SPHKAP: variants seen among roughly 807,000 people sequenced by gnomAD.
The protein encoded by SPHKAP is SPHK1 interactor, AKAP domain containing.
Under a neutral mutation model 137.5 loss-of-function variants are expected in SPHKAP, and 67 were observed. The ratio of observed to expected loss-of-function variants is 0.49; its 90% CI spans 0.40 to 0.60. The LOEUF (loss-of-function observed/expected upper bound fraction) is 0.60. Among genes scored for constraint, SPHKAP ranks in the 20% least tolerant of loss-of-function variants. The pLI, the probability that SPHKAP is intolerant of heterozygous loss-of-function variation, is 0.00. For synonymous variants in SPHKAP, 813 were observed against 785.3 expected, an observed-to-expected ratio of 1.04 and a Z score of -0.59; for missense variants, 2,097 against 2,069.3, an observed-to-expected ratio of 1.01 and a Z score of -0.26.
intron 7 of SPHKAP, among the ~76,000 whole-genome samples, chr2:228,015,227 A>C (rs996432409): frequency 6.6e-6 from 1 of 151,936 alleles, no homozygotes; most frequent in Non-Finnish European, 1.5e-5. Flanking sequence ...AATTTCATCC[A>C]TGTCCCTACA....
At chr2:228,045,396 C>CATATAA (rs1696001639) in intron 3 of SPHKAP, among the ~76,000 whole-genome samples, 1 of 76,402 alleles carries the variant, frequency 1.3e-5, no homozygotes, top group Non-Finnish European at 2.6e-5. Flanking sequence ...GGCACATGTA[C>CATATAA]ACCATGGAAT....
intron 7 of SPHKAP, among the ~76,000 whole-genome samples, chr2:227,999,357 G>A (rs1264436331): frequency 6.6e-6 from 1 of 152,106 alleles, no homozygotes; most frequent in Non-Finnish European, 1.5e-5. Flanking sequence ...AGCCAAAGAG[G>A]CAGCATGGAC....
rs560458025 is a variant in SPHKAP, at chr2:227,998,335, T to C, written c.4449-2641A>G. ...ATTCAATCACCCTTTAATTCAGGTATGAGTGCCCTTTGCTCAGGAAACTCT... is the reference window on the plus strand; with the variant it reads ...ATTCAATCACCCTTTAATTCAGGTACGAGTGCCCTTTGCTCAGGAAACTCT... On this transcript the variant is annotated intron_variant, in intron 7 of 11. Transcript: ENST00000392056. Among the ~76,000 whole-genome samples the C allele has an allele frequency of 2.2e-4, 34 of 152,288 alleles. 1 individual carries two copies. The highest frequency in any genetic ancestry group is 4.4e-4 in the Non-Finnish European group (30 of 68,026).
chr2:228,009,937 G>A (rs1331361164), intron 7 of SPHKAP, among the ~76,000 whole-genome samples: 2 of 152,138 alleles, frequency 1.3e-5, no homozygotes, highest in African/African-American at 2.4e-5. Context: ...ATTCTCTAGC[G>A]TCATGGGGCT....
intron 3 of SPHKAP, among the ~76,000 whole-genome samples, chr2:228,065,531 A>G (rs775392310): frequency 6.6e-6 from 1 of 152,232 alleles, no homozygotes; most frequent in African/African-American, 2.4e-5. Flanking sequence ...TGGCTATAAA[A>G]GGGGGCACTG....
At chr2:228,029,895 A>T (rs1402305240) in intron 3 of SPHKAP, among the ~76,000 whole-genome samples, 1 of 152,170 alleles carries the variant, frequency 6.6e-6, no homozygotes, top group African/African-American at 2.4e-5. Flanking sequence ...TTTTATTATC[A>T]TGCATCACAG....
intron 1 of SPHKAP, among the ~76,000 whole-genome samples, chr2:228,145,070 A>G (rs1699735457): frequency 6.6e-6 from 1 of 152,150 alleles, no homozygotes; most frequent in African/African-American, 2.4e-5. Flanking sequence ...AGGTGGTGAA[A>G]CGAAATCAAA....
intron 2 of SPHKAP, among the ~76,000 whole-genome samples, chr2:228,125,971 T>C (rs548153011): frequency 6.6e-6 from 1 of 152,204 alleles, no homozygotes; most frequent in Non-Finnish European, 1.5e-5. Flanking sequence ...TCCCAGCTAC[T>C]TGGGAGGCTG....
At chr2:228,097,712 A>G (rs1035116501) in intron 3 of SPHKAP, among the ~76,000 whole-genome samples, 2 of 151,240 alleles carry the variant, frequency 1.3e-5, no homozygotes, top group African/African-American at 4.9e-5. Context: ...CTTTATGTCC[A>G]TGTGTACCCA....
At chr2:228,075,684 T>C (rs1394314301) in intron 3 of SPHKAP, among the ~76,000 whole-genome samples, 1 of 152,178 alleles carries the variant, frequency 6.6e-6, no homozygotes, top group African/African-American at 2.4e-5. Context: ...AAGCAATGTT[T>C]CTCTCTCATT....
rs770082094 is a variant in SPHKAP at position 228,181,001 on chromosome 2, G to A, written c.32+566C>T. Among the ~76,000 whole-genome samples, 93 of 152,066 alleles carry A rather than the reference G, an allele frequency of 6.1e-4. 1 individual carries two copies. The highest frequency in any genetic ancestry group is 7.8e-4 in the Non-Finnish European group (53 of 68,032). On this transcript the variant is annotated intron_variant, in intron 1 of 11. Coordinates refer to ENST00000392056, the MANE Select transcript of SPHKAP (RefSeq NM_001142644.2). The surrounding 1 kb of genome is among the most constrained non-coding windows in gnomAD (Gnocchi z 4.3). Reference sequence around the variant, plus strand: ...ACTGGCAGGGGGTGTGGGGACGGTGGAGGACTGTGGGACTGCAGGGGACCT... The same window carrying A: ...ACTGGCAGGGGGTGTGGGGACGGTGAAGGACTGTGGGACTGCAGGGGACCT...
At chr2:228,180,905 G>C (rs993868089) in intron 1 of SPHKAP, among the ~76,000 whole-genome samples, 1 of 152,166 alleles carries the variant, frequency 6.6e-6, no homozygotes, top group African/African-American at 2.4e-5. Flanking sequence ...GCAGCGCCTG[G>C]GGTGGCGTCC....
At chr2:228,138,929 G>A (rs887118094) in intron 1 of SPHKAP, among the ~76,000 whole-genome samples, 3 of 58,036 alleles carry the variant, frequency 5.2e-5, no homozygotes, top group Non-Finnish European at 1.1e-4. Context: ...TTTGTCTTCA[G>A]ATTGGTGAAA....
chr2:228,164,241 TC>T (rs1319365829), intron 1 of SPHKAP, among the ~76,000 whole-genome samples: 3 of 152,140 alleles, frequency 2.0e-5, no homozygotes, highest in Non-Finnish European at 4.4e-5. Context: ...TCTCAGGCCT[TC>T]AACCACAGGC....
intron 3 of SPHKAP, among the ~76,000 whole-genome samples, chr2:228,061,495 C>A (rs1295702105): frequency 1.3e-5 from 2 of 152,040 alleles, no homozygotes; most frequent in African/African-American, 4.8e-5. Flanking sequence ...TGGTCTTGAA[C>A]TCCTGACCTC....
At chr2:228,044,638 A>G (rs1172713074) in intron 3 of SPHKAP, among the ~76,000 whole-genome samples, 1 of 152,236 alleles carries the variant, frequency 6.6e-6, no homozygotes, top group Non-Finnish European at 1.5e-5. Flanking sequence ...TGCAAACTAT[A>G]GTTGACACAT....
chr2:228,022,118 G>T, intron 5 of SPHKAP, 152 bp from the exon 6 acceptor site: 1 of 1,315,290 alleles, frequency 7.6e-7, no homozygotes, highest in Non-Finnish European at 9.7e-7. Flanking sequence ...TTAATAAACT[G>T]CTTGAAAAAA....
intron 7 of SPHKAP, among the ~76,000 whole-genome samples, chr2:228,010,170 T>G (rs908945182): frequency 6.6e-6 from 1 of 152,188 alleles, no homozygotes; most frequent in Non-Finnish European, 1.5e-5. Context: ...TTCCCTTCGC[T>G]CAATGTGCTG....
intron 1 of SPHKAP, among the ~76,000 whole-genome samples, chr2:228,178,651 C>T (rs963236450): frequency 6.6e-6 from 1 of 151,700 alleles, no homozygotes; most frequent in African/African-American, 2.4e-5. Flanking sequence ...AAAAAAAATC[C>T]CTCTTAAATT....
Sources: gnomAD v4.1 joint callset for allele counts (sites outside exome capture counted in the v4.1 genomes callset) on GRCh38, gnomAD v4.1.1 for gene constraint, Gnocchi (gnomAD v3.1) non-coding constraint, MANE v1.5 for transcripts, NCBI Gene and HGNC (gene_info 2026-07-23, HGNC 2026-07-21) for gene names.